ANKFN1: variants seen among roughly 807,000 people sequenced by gnomAD.
ANKFN1 encodes the protein ankyrin repeat and fibronectin type-III domain-containing protein 1.
A neutral mutation model predicts 108.7 loss-of-function variants in ANKFN1; 74 were observed. The ratio of observed to expected loss-of-function variants is 0.68; its 90% CI spans 0.56 to 0.83. The LOEUF (loss-of-function observed/expected upper bound fraction) is 0.83. Ranked by LOEUF, ANKFN1 falls within the 40% of genes least tolerant of loss-of-function variation. ANKFN1 has a pLI of 0.00. For missense variants in ANKFN1, 1,505 were observed against 1,382.3 expected (o/e 1.09, Z -1.41); for synonymous variants, 547 against 516.2 (o/e 1.06, Z -0.81).
At chr17:56,313,787 A>T (rs2045115051) in intron 3 of ANKFN1, among the ~76,000 whole-genome samples, 1 of 152,226 alleles carries the variant, frequency 6.6e-6, no homozygotes, top group Non-Finnish European at 1.5e-5. Context: ...TATAATTTGC[A>T]TAAAATACCA....
chr17:56,404,441 A>G (rs1347756226), intron 8 of ANKFN1, among the ~76,000 whole-genome samples: 2 of 152,094 alleles, frequency 1.3e-5, no homozygotes, highest in Non-Finnish European at 2.9e-5. Context: ...TTACTTGTTC[A>G]ATTCTATTGC....
chr17:56,248,004 C>T (rs2043155768), intron 3 of ANKFN1, among the ~76,000 whole-genome samples: 2 of 152,196 alleles, frequency 1.3e-5, no homozygotes, highest in South Asian at 4.1e-4. Flanking sequence ...GAATGCAACA[C>T]ATTGTCATTT....
rs536490635 is a variant in ANKFN1, at chr17:56,114,080, A to G, written c.288+67755A>G. ...TACAGCTACCCAAGCAAGAGAACCA[A>G]AACAGGGATCTGTGCCTCCAACTGC... is the stretch of plus-strand genomic sequence containing the variant. On this transcript the variant is annotated intron_variant, in intron 4 of 12. Coordinates refer to the ANKFN1 transcript ENST00000635860. Among the ~76,000 whole-genome samples, 171 of 152,318 alleles carry G rather than the reference A, an allele frequency of 1.1e-3. 2 individuals are homozygous for G. The highest frequency in any genetic ancestry group is 3.9e-3 in the African/African-American group (164 of 41,580).
chr17:56,244,152 T>G (rs1429932140), intron 3 of ANKFN1, among the ~76,000 whole-genome samples: 1 of 152,152 alleles, frequency 6.6e-6, no homozygotes, highest in Non-Finnish European at 1.5e-5. Flanking sequence ...TGATGAGCTT[T>G]CTTTCTCTAC....
Position 56,510,875 on chromosome 17 carries a change from G to A in ANKFN1, c.3047G>A (p.Arg1016His), listed in dbSNP as rs868204729. Reference sequence around the variant, plus strand: ...TATGGCGGCTTCAGCCGCCATCATCGCTGGTTGCGCATCCACAGCGAGACC... The same window carrying A: ...TATGGCGGCTTCAGCCGCCATCATCACTGGTTGCGCATCCACAGCGAGACC... ...PHYGGFSRHH[R>H]WLRIHSETQS... Residue 1016 changes from arginine (R) to histidine (H), a missense_variant, in exon 21 of 21, where the codon CGC (arginine) becomes CAC (histidine). By Grantham distance (29) the Arg-to-His change is conservative. Transcript: ENST00000682825. 59 of 1,536,034 alleles carry A rather than the reference G, an allele frequency of 3.8e-5. No homozygotes were observed. The highest frequency in any genetic ancestry group is 4.7e-5 in the Non-Finnish European group (54 of 1,146,918).
intron 1 of ANKFN1, among the ~76,000 whole-genome samples, chr17:56,190,515 G>A (rs1279372532): frequency 6.9e-6 from 1 of 144,016 alleles, no homozygotes; most frequent in Non-Finnish European, 1.5e-5. Context: ...CCATGTAGTC[G>A]AGCGGCTTTG....
Position 56,384,407 on chromosome 17 carries a change from GA to G in ANKFN1, c.910+9697del, listed in dbSNP as rs1312179544. Among the ~76,000 whole-genome samples the G allele has an allele frequency of 2.6e-5, 4 of 152,256 alleles. No homozygotes were observed. In the East Asian group the frequency reaches 5.8e-4, roughly 22 times the overall value. On this transcript the variant is annotated intron_variant, in intron 8 of 20. Transcript: ENST00000682825. ...GGCAAAAACTGGAAGCATTCCCTTT[GA>G]AAACTGGCACAAGACAGGGATGCCC... is the stretch of plus-strand genomic sequence containing the variant.
intron 15 of ANKFN1, chr17:56,471,895 T>C (rs543116150): frequency 1.3e-5 from 2 of 152,306 alleles, no homozygotes; most frequent in East Asian, 3.9e-4. Flanking sequence ...GGCGGAGAGA[T>C]AGGGGAATGA....
chr17:56,341,341 G>A (rs2045952762), intron 4 of ANKFN1, among the ~76,000 whole-genome samples: 1 of 152,090 alleles, frequency 6.6e-6, no homozygotes, highest in Admixed American at 6.6e-5. Flanking sequence ...CCAGTGCTAT[G>A]TTGAATAGGA....
chr17:56,351,279 TG>T (rs2046240874), intron 5 of ANKFN1, among the ~76,000 whole-genome samples: 1 of 151,852 alleles, frequency 6.6e-6, no homozygotes, highest in Non-Finnish European at 1.5e-5. Flanking sequence ...TCAGGTTAAA[TG>T]GGCTTTCTGA....
In ANKFN1 at chr17:56,109,226, G is replaced by T. The variant is rs1019402948; in HGVS notation, c.288+62901G>T. On this transcript the variant is annotated intron_variant, in intron 4 of 12. Transcript: ENST00000635860. ...TTATCAGTGGCTCGATACAACCAAG[G>T]TTTGTTTTTCATTCAAACTTATGTT... Among the ~76,000 whole-genome samples, 4 of 152,132 alleles carry T rather than the reference G, an allele frequency of 2.6e-5. No individual in the cohort carries two copies. The East Asian group carries it at 7.7e-4, about 29-fold the overall frequency.
chr17:56,304,353 C>T (rs2044757177), intron 3 of ANKFN1, among the ~76,000 whole-genome samples: 2 of 152,082 alleles, frequency 1.3e-5, no homozygotes, highest in South Asian at 4.1e-4. Flanking sequence ...AGGTAATATT[C>T]TATGGAATTG....
In ANKFN1 at chr17:56,482,479, C is replaced by T. The variant is rs908657275; in HGVS notation, c.2215C>T (p.Pro739Ser). Reference sequence around the variant, plus strand: ...CCCAGGACAGAATAATCCTTACACCCCACACTCAGGGTTTCTTAACCTCCC... The same window carrying T: ...CCCAGGACAGAATAATCCTTACACCTCACACTCAGGGTTTCTTAACCTCCC... ...TAPGQNNPYT[P>S]HSGFLNLPLQ... The change falls in exon 18 of 21, where the codon CCA becomes TCA. Residue 739 changes from proline (P) to serine (S), a missense_variant. By Grantham distance (74) the Pro-to-Ser change is moderately conservative (BLOSUM62 -1). Transcript: ENST00000682825. The T allele has an allele frequency of 2.5e-6, 4 of 1,613,254 alleles. No individual in the cohort carries two copies. Among genetic ancestry groups the T allele is most frequent in the Non-Finnish European group, 3.4e-6 (4 of 1,179,576 alleles).
intron 4 of ANKFN1, among the ~76,000 whole-genome samples, chr17:56,090,743 A>G (rs1180934268): frequency 6.6e-6 from 1 of 151,020 alleles, no homozygotes; most frequent in African/African-American, 2.4e-5. Context: ...AGTAGCTGCA[A>G]CTACAGGCAC....
chr17:56,386,296 G>C (rs1321378507), intron 8 of ANKFN1, among the ~76,000 whole-genome samples: 1 of 149,796 alleles, frequency 6.7e-6, no homozygotes, highest in Non-Finnish European at 1.5e-5. Context: ...GCAGGAAGGG[G>C]AACATCACAC....
intron 1 of ANKFN1, among the ~76,000 whole-genome samples, chr17:56,196,514 G>T (rs141277412): frequency 2.0e-5 from 3 of 152,064 alleles, no homozygotes; most frequent in South Asian, 2.1e-4. Context: ...CAGGAAGATC[G>T]CATGAAGCCA....
At chr17:56,498,807 T>C in intron 19 of ANKFN1, 75 bp from the exon 20 acceptor site, 1 of 1,251,216 alleles carries the variant, frequency 8.0e-7, no homozygotes, top group Non-Finnish European at 1.1e-6. Flanking sequence ...TGGATCATCT[T>C]GGACTCTCAG....
chr17:56,126,603 C>A (rs1382664095), intron 4 of ANKFN1, among the ~76,000 whole-genome samples: 1 of 152,088 alleles, frequency 6.6e-6, no homozygotes. Context: ...ACATACAGAC[C>A]GACCAGGGGA....
intron 4 of ANKFN1, among the ~76,000 whole-genome samples, chr17:56,054,816 G>A (rs1904837858): frequency 6.6e-6 from 1 of 152,146 alleles, no homozygotes; most frequent in Admixed American, 6.5e-5. Flanking sequence ...AGCCTGGGAG[G>A]TTGAGGCTGC....
Sources: allele counts gnomAD v4.1 joint callset (sites outside exome capture counted in the v4.1 genomes callset), GRCh38; gene constraint gnomAD v4.1.1; transcripts MANE v1.5; gene names NCBI Gene and HGNC (gene_info 2026-07-23, HGNC 2026-07-21).